GALNT13: variants seen among roughly 807,000 people sequenced by gnomAD.
GALNT13 encodes UDP-GalNAc:polypeptide N-acetylgalactosaminyltransferase 13.
In GALNT13, 28 loss-of-function variants were observed where a neutral mutation model predicts 64.2. The observed-to-expected ratio is 0.44, with a 90% CI of 0.32 to 0.60. The LOEUF is 0.60. GALNT13 is among the 20% of genes least tolerant of loss of function. The probability of loss-of-function intolerance (pLI) is 0.05; values close to 1 mark genes in which losing one functional copy is unlikely to be tolerated. For synonymous variants in GALNT13, 214 were observed against 224.6 expected, an observed-to-expected ratio of 0.95 and a Z score of 0.42; for missense variants, 577 against 669.8, an observed-to-expected ratio of 0.86 and a Z score of 1.53.
intron 4 of GALNT13, among the ~76,000 whole-genome samples, chr2:154,182,650 A>T (rs1006396699): frequency 4.4e-4 from 65 of 148,424 alleles, no homozygotes; most frequent in South Asian, 6.3e-4. Flanking sequence ...TATAATATAT[A>T]AAAATATGTA....
At chr2:153,674,334 G>T in the GALNT13 span, among the ~76,000 whole-genome samples, 1 of 152,034 alleles carries the variant, frequency 6.6e-6, no homozygotes, top group African/African-American at 2.4e-5. Context: ...AAACAGCATG[G>T]TACTGGTACC....
chr2:154,299,658 T>G (rs1039102352), intron 8 of GALNT13, among the ~76,000 whole-genome samples: 2 of 151,236 alleles, frequency 1.3e-5, no homozygotes, highest in Non-Finnish European at 2.9e-5. Context: ...AGAGACAGGG[T>G]TTCACTGTGT....
At chr2:153,854,572 ACT>A in the GALNT13 span, among the ~76,000 whole-genome samples, 1 of 152,028 alleles carries the variant, frequency 6.6e-6, no homozygotes, top group East Asian at 1.9e-4. Context: ...CAAGAGCAAA[ACT>A]CTGCCTCAAA....
chr2:154,431,664 T>G (rs1918631), intron 11 of GALNT13, among the ~76,000 whole-genome samples: 1 of 152,040 alleles, frequency 6.6e-6, no homozygotes, highest in Non-Finnish European at 1.5e-5. Flanking sequence ...TGGCTGTGTC[T>G]CCACCAAAAT....
the GALNT13 span, among the ~76,000 whole-genome samples, chr2:153,105,934 T>A: frequency 6.6e-6 from 1 of 152,156 alleles, no homozygotes; most frequent in African/African-American, 2.4e-5. Context: ...TATTGAATCA[T>A]TTTTGAATGT....
intron 3 of GALNT13, among the ~76,000 whole-genome samples, chr2:153,955,393 A>G (rs1692493058): frequency 6.6e-6 from 1 of 152,192 alleles, no homozygotes; most frequent in Admixed American, 6.5e-5. Context: ...GACATGTGAA[A>G]ATTGGAAGGG....
the GALNT13 span, among the ~76,000 whole-genome samples, chr2:153,222,442 C>T: frequency 1.5e-5 from 1 of 67,948 alleles, no homozygotes; most frequent in Admixed American, 1.4e-4. Flanking sequence ...TCACTCCCGG[C>T]AGCCTCAGAT....
chr2:153,863,088 C>T, the GALNT13 span, among the ~76,000 whole-genome samples: 1 of 152,082 alleles, frequency 6.6e-6, no homozygotes, highest in East Asian at 1.9e-4. Flanking sequence ...TTGTGACACT[C>T]CACTTAATAC....
the GALNT13 span, among the ~76,000 whole-genome samples, chr2:153,808,525 C>T: frequency 6.6e-6 from 1 of 151,932 alleles, no homozygotes; most frequent in Non-Finnish European, 1.5e-5. Context: ...TCTTAATATC[C>T]AGCTCATTCC....
the GALNT13 span, among the ~76,000 whole-genome samples, chr2:153,613,549 G>A: frequency 6.6e-6 from 1 of 152,130 alleles, no homozygotes; most frequent in Non-Finnish European, 1.5e-5. Context: ...GGCAGATTCT[G>A]TGTTCAAATG....
chr2:153,917,021 GAAAT>G (rs1188752551), intron 2 of GALNT13, among the ~76,000 whole-genome samples: 2 of 152,126 alleles, frequency 1.3e-5, no homozygotes, highest in Non-Finnish European at 2.9e-5. Context: ...ACTGACGAAA[GAAAT>G]TATACACCTC....
chr2:154,299,832 C>T (rs948999126), intron 8 of GALNT13, among the ~76,000 whole-genome samples: 6 of 151,910 alleles, frequency 3.9e-5, no homozygotes, highest in Non-Finnish European at 7.4e-5. Context: ...CTATTCTTCT[C>T]GTATATTCAT....
At chr2:153,356,761 A>G in the GALNT13 span, among the ~76,000 whole-genome samples, 5 of 151,350 alleles carry the variant, frequency 3.3e-5, no homozygotes, top group African/African-American at 1.2e-4. Flanking sequence ...AGACAAAGAA[A>G]TAGAGATCTG....
the GALNT13 span, among the ~76,000 whole-genome samples, chr2:153,198,943 G>C: frequency 3.3e-5 from 5 of 152,192 alleles, no homozygotes; most frequent in African/African-American, 1.2e-4. Context: ...TTTTCTAAGT[G>C]CTCTTTTAGT....
chr2:153,794,684 C>G, the GALNT13 span, among the ~76,000 whole-genome samples: 4 of 152,044 alleles, frequency 2.6e-5, no homozygotes, highest in Admixed American at 2.6e-4. Flanking sequence ...CTGCGCCCAG[C>G]TAATTTTTGT....
the GALNT13 span, among the ~76,000 whole-genome samples, chr2:153,771,718 T>C: frequency 6.6e-6 from 1 of 152,074 alleles, no homozygotes; most frequent in East Asian, 1.9e-4. Context: ...CCTGGAAATA[T>C]GTCTAGTCAT....
At chr2:153,411,163 A>G in the GALNT13 span, among the ~76,000 whole-genome samples, 13 of 58,962 alleles carry the variant, frequency 2.2e-4, no homozygotes, top group East Asian at 2.1e-3. Context: ...GCATATATGT[A>G]TATATATATA....
intron 7 of GALNT13, among the ~76,000 whole-genome samples, chr2:154,247,008 A>T (rs780476953): frequency 1.3e-5 from 2 of 152,062 alleles, no homozygotes; most frequent in Non-Finnish European, 2.9e-5. Flanking sequence ...GGGATGACTT[A>T]TCTATTGTCA....
chr2:153,782,420 G>A, the GALNT13 span, among the ~76,000 whole-genome samples: 1 of 152,098 alleles, frequency 6.6e-6, no homozygotes, highest in Non-Finnish European at 1.5e-5. Context: ...AATGAATACT[G>A]TAGGAAATTG....
Sources: gnomAD v4.1 joint callset for allele counts (sites outside exome capture counted in the v4.1 genomes callset) on GRCh38, gnomAD v4.1.1 for gene constraint, MANE v1.5 for transcripts, NCBI Gene and HGNC (gene_info 2026-07-23, HGNC 2026-07-21) for gene names.